Variants in CROCC observed in about 807,000 individuals in gnomAD.
CROCC encodes rootletin.
Under a neutral mutation model 245.2 loss-of-function variants are expected in CROCC, and 180 were observed. That is an observed-to-expected ratio of 0.73 (90% CI 0.65 to 0.83). CROCC has a LOEUF of 0.83. Ranked by LOEUF, CROCC falls within the 40% of genes least tolerant of loss-of-function variation. The pLI, the probability that CROCC is intolerant of heterozygous loss-of-function variation, is 0.00. For synonymous variants in CROCC, 1,205 were observed against 1,241.6 expected (o/e 0.97, Z 0.62); for missense variants, 2,688 against 2,779.4 (o/e 0.97, Z 0.74).
chr1:16,920,710 G>A (rs575596368), upstream of CROCC, among the ~76,000 whole-genome samples: 31 of 151,250 alleles, frequency 2.0e-4, no homozygotes, highest in Non-Finnish European at 3.7e-4. Flanking sequence ...GTGACCTCTG[G>A]GTCTCAGGGC....
At chr1:16,922,887 A>G (rs1278859159) in intron 2 of CROCC, 89 bp downstream of exon 2, 25 of 1,525,042 alleles carry the variant, frequency 1.6e-5, no homozygotes, top group Non-Finnish European at 2.1e-5. Context: ...CATGATGATC[A>G]TGACTGTAAC....
chr1:16,957,773 GT>G (rs2076270539), intron 25 of CROCC, among the ~76,000 whole-genome samples: 2 of 152,084 alleles, frequency 1.3e-5, no homozygotes, highest in Admixed American at 1.3e-4. Flanking sequence ...TAAAAAAATT[GT>G]TTTTAATTAC....
chr1:16,944,093 C>A lies in CROCC; in HGVS notation c.1809-7C>A. 5 of 1,543,558 alleles carry A rather than the reference C, an allele frequency of 3.2e-6. No homozygotes were observed. The South Asian group carries it at 4.9e-5, about 15-fold the overall frequency. ...TCCCCTCTGCTCCCCCTCCCCTTGTCCTGAAGGGAGAAGAGCAACCTGGCC... is the reference window on the plus strand; with the variant it reads ...TCCCCTCTGCTCCCCCTCCCCTTGTACTGAAGGGAGAAGAGCAACCTGGCC... On this transcript the variant is annotated splice_polypyrimidine_tract_variant and splice_region_variant and intron_variant, in intron 13 of 36. Coordinates refer to ENST00000375541, the MANE Select transcript of CROCC (RefSeq NM_014675.5).
chr1:16,932,847 A>G lies in CROCC; in HGVS notation c.956+1450A>G, dbSNP rs2075708554. Among the ~76,000 whole-genome samples the G allele has an allele frequency of 2.0e-5, 3 of 152,396 alleles. No homozygotes were observed. In the South Asian group the frequency reaches 6.2e-4, roughly 32 times the overall value. On this transcript the variant is annotated intron_variant, in intron 8 of 36. Transcript: ENST00000375541. Reference sequence around the variant, plus strand: ...CAAGGTATTTCATTTAGTGCGTTAAAAACATTTTAGTTAGTAATCTTTTCT... The same window carrying G: ...CAAGGTATTTCATTTAGTGCGTTAAGAACATTTTAGTTAGTAATCTTTTCT...
At chr1:16,915,113 G>T (rs1429805331) in intron 1 of CROCC, among the ~76,000 whole-genome samples, 1 of 152,236 alleles carries the variant, frequency 6.6e-6, no homozygotes, top group African/African-American at 2.4e-5. Flanking sequence ...CACCCAAGTG[G>T]CCCCTGTGGG....
intron 8 of CROCC, among the ~76,000 whole-genome samples, chr1:16,934,155 G>T (rs542616835): frequency 1.3e-5 from 2 of 152,216 alleles, no homozygotes; most frequent in African/African-American, 4.8e-5. Context: ...CTCATCAAAG[G>T]CTGCAAAACT....
At chr1:16,934,626 A>C (rs2075748406) in intron 8 of CROCC, among the ~76,000 whole-genome samples, 1 of 152,282 alleles carries the variant, frequency 6.6e-6, no homozygotes, top group Admixed American at 6.5e-5. Context: ...CAAAACCAAA[A>C]ATTTTAAGTA....
chr1:16,966,251 C>G lies in CROCC; in HGVS notation c.4696+132C>G. The G allele has an allele frequency of 6.9e-7, 1 of 1,440,530 alleles. No homozygotes were observed. Among genetic ancestry groups the G allele is most frequent in the Non-Finnish European group, 9.2e-7 (1 of 1,084,498 alleles). The allele number at this position is 1,440,530 out of a possible 1,614,324, so 89.2% of individuals were successfully genotyped here. ...TCGGGGCTGTCTCCAAGAGGACCCTCCTTGGACAGCCTCACCTGTGTGCAG... is the reference window on the plus strand; with the variant it reads ...TCGGGGCTGTCTCCAAGAGGACCCTGCTTGGACAGCCTCACCTGTGTGCAG... On this transcript the variant is annotated intron_variant, in intron 29 of 36. Coordinates refer to ENST00000375541, the MANE Select transcript of CROCC (RefSeq NM_014675.5). This position sits in a 1 kb window ranked among gnomAD's most constrained non-coding sequence, Gnocchi z 4.8.
At position 16,969,173 on chromosome 1, in the gene CROCC, G is replaced by A. The variant is rs755356465; in HGVS notation, c.5134G>A (p.Gly1712Arg). The change falls in exon 32 of 37, where the codon GGG becomes AGG. Residue 1712 changes from glycine to arginine, a missense_variant. Physicochemically the swap from Gly to Arg is moderately radical, Grantham distance 125. Transcript: ENST00000375541. ...TLQLTVERLNGALAKVEESEG... is the reference protein window; with the variant it reads ...TLQLTVERLNRALAKVEESEG... ...GCAGCTGACCGTGGAGCGGCTGAAT[G>A]GGGCCCTGGCTAAGGTGGAGGAAAG... 6.0e-5 allele frequency: 97 copies of A among 1,611,046 alleles called. 1 individual carries two copies. Among genetic ancestry groups the A allele is most frequent in the Admixed American group, 3.2e-4 (19 of 59,492 alleles).
At chr1:16,940,809 C>A in intron 13 of CROCC, 1 of 350,246 alleles carries the variant, frequency 2.9e-6, no homozygotes, top group African/African-American at 2.1e-5. Flanking sequence ...TCACTGTAAC[C>A]TGGAACTCCC....
chr1:16,952,264 C>T (rs2076174698), intron 20 of CROCC, among the ~76,000 whole-genome samples: 2 of 151,348 alleles, frequency 1.3e-5, no homozygotes, highest in African/African-American at 4.8e-5. Context: ...GTGGGCAGAT[C>T]ACCAGGTCGG....
rs1159705207 is a variant in CROCC at position 16,946,775 on chromosome 1, G to T, written c.2298G>T (p.Lys766Asn). The change falls in exon 17 of 37, where the codon AAG becomes AAT. Residue 766 changes from lysine to asparagine, a missense_variant. Physicochemically the swap from Lys to Asn is moderately conservative, Grantham distance 94 (BLOSUM62 0). Coordinates refer to ENST00000375541, the MANE Select transcript of CROCC (RefSeq NM_014675.5). The stretch of plus-strand genomic sequence containing the variant: ...CTGGCCTCCAGCTGGAGGAAGAAAA[G>T]TCCGCCCTGCAGGGCCGGCAACGGC... ...NRLVAQLEEE[K>N]SALQGRQRQA... 1 of 1,551,574 alleles carries T rather than the reference G, an allele frequency of 6.4e-7. No individual in the cohort carries two copies. The highest frequency in any genetic ancestry group is 8.7e-7 in the Non-Finnish European group (1 of 1,147,072).
chr1:16,938,187 C>T (rs571005803), intron 10 of CROCC, among the ~76,000 whole-genome samples: 344 of 152,276 alleles, frequency 2.3e-3, no homozygotes, highest in Middle Eastern at 6.8e-3. Flanking sequence ...CTCCTGCAAT[C>T]GACTGTGTGA....
At chr1:16,923,366 G>A (rs1412760856) in intron 2 of CROCC, among the ~76,000 whole-genome samples, 1 of 152,270 alleles carries the variant, frequency 6.6e-6, no homozygotes, top group Non-Finnish European at 1.5e-5. Flanking sequence ...CTACAGACGG[G>A]CCCCCTCCTT....
rs577308231 is a variant in CROCC, at chr1:16,927,879, G to A, written c.352-1967G>A. 4.6e-5 allele frequency among the ~76,000 whole-genome samples: 7 copies of A among 152,398 alleles called. No individual in the cohort carries two copies. The Middle Eastern group carries it at 0.01, about 222-fold the overall frequency. ...TTGGACTGTGTTCCTCCAGACTCAG[G>A]GGGAAGCCCCCAAGTAGTCACAGTT... On this transcript the variant is annotated intron_variant, in intron 3 of 36. Coordinates refer to ENST00000375541, the MANE Select transcript of CROCC (RefSeq NM_014675.5).
intron 3 of CROCC, among the ~76,000 whole-genome samples, chr1:16,926,919 T>A (rs1371122700): frequency 2.6e-5 from 4 of 152,272 alleles, no homozygotes; most frequent in Admixed American, 1.3e-4. Context: ...AAGGCTGTTT[T>A]GCTCACGGTG....
intron 8 of CROCC, among the ~76,000 whole-genome samples, chr1:16,935,266 C>G (rs1440861525): frequency 6.6e-6 from 1 of 152,244 alleles, no homozygotes; most frequent in Non-Finnish European, 1.5e-5. Context: ...CACACACACA[C>G]ACAGAGACAC....
At position 16,922,013 on chromosome 1, in the gene CROCC, C is replaced by T. The variant is rs754553604; in HGVS notation, c.-6C>T. On this transcript the variant is annotated 5_prime_UTR_variant, in exon 1 of 37. Coordinates refer to ENST00000375541, the MANE Select transcript of CROCC (RefSeq NM_014675.5). ...GGGCTGGAGGCATGCCCACAGCCTCCCCCCCATGAGCTTGGGGCTGGCGGG... is the reference window on the plus strand; with the variant it reads ...GGGCTGGAGGCATGCCCACAGCCTCTCCCCCATGAGCTTGGGGCTGGCGGG... 1.3e-6 allele frequency: 2 copies of T among 1,550,628 alleles called. No individual in the cohort carries two copies. Among genetic ancestry groups the T allele is most frequent in the South Asian group, 2.4e-5 (2 of 83,962 alleles).
At position 16,940,088 on chromosome 1, in the gene CROCC, G is replaced by T. The variant is rs755037788; in HGVS notation, c.1803G>T (p.Leu601=). The change falls in exon 13 of 37, where the codon CTG becomes CTT. Residue 601 remains leucine, a synonymous_variant. Transcript: ENST00000375541. ...VQRLRSANEL[L]SREKSNLAHS... ...GGCTGCGGAGCGCCAACGAGCTCCT[G>T]AGCAGGTGCCGGGGAGGTCTGAGCT... 11 of 1,602,282 alleles carry T rather than the reference G, an allele frequency of 6.9e-6. No individual in the cohort carries two copies.
Sources: gnomAD v4.1 joint callset for allele counts (sites outside exome capture counted in the v4.1 genomes callset) on GRCh38, gnomAD v4.1.1 for gene constraint, Gnocchi (gnomAD v3.1) non-coding constraint, MANE v1.5 for transcripts, NCBI Gene and HGNC (gene_info 2026-07-23, HGNC 2026-07-21) for gene names.